The following NYAP2 variants were observed in gnomAD, a reference collection of about 807,000 sequenced individuals.
NYAP2 encodes the protein neuronal tyrosine-phosphorylated phosphoinositide-3-kinase adapter 2.
NYAP2 carries 23 observed loss-of-function variants against 50.4 expected under a neutral mutation model. That is an observed-to-expected ratio of 0.46 (90% confidence interval 0.33 to 0.65). The LOEUF (loss-of-function observed/expected upper bound fraction) is 0.65. NYAP2 is among the 30% of genes least tolerant of loss of function. The probability of loss-of-function intolerance (pLI) is 0.02; values close to 1 mark genes in which losing one functional copy is unlikely to be tolerated. For synonymous variants in NYAP2, 394 were observed against 365.2 expected (o/e 1.08, Z -0.90); for missense variants, 885 against 861.0 (o/e 1.03, Z -0.35).
At chr2:225,573,550 C>T (rs1224734460) in intron 4 of NYAP2, among the ~76,000 whole-genome samples, 1 of 151,520 alleles carries the variant, frequency 6.6e-6, no homozygotes, top group Admixed American at 6.6e-5. Context: ...ACGCCTGGCC[C>T]CAAAATTTTA....
chr2:225,487,284 A>G (rs556003288), intron 3 of NYAP2, among the ~76,000 whole-genome samples: 10 of 152,162 alleles, frequency 6.6e-5, no homozygotes, highest in South Asian at 2.1e-4. Context: ...CAGGCCCATG[A>G]TGGCCCTCAC....
chr2:225,647,293 G>A (rs1008782659), intron 6 of NYAP2, among the ~76,000 whole-genome samples: 12 of 152,176 alleles, frequency 7.9e-5, no homozygotes, highest in African/African-American at 2.9e-4. Flanking sequence ...TATAATAAAG[G>A]ATGATTCCTT....
chr2:225,577,133 C>T (rs1692182020), intron 4 of NYAP2, among the ~76,000 whole-genome samples: 1 of 152,072 alleles, frequency 6.6e-6, no homozygotes, highest in African/African-American at 2.4e-5. Context: ...GACTGAAAGC[C>T]ATGTATAACC....
chr2:225,541,875 G>A (rs1574668012), intron 4 of NYAP2, among the ~76,000 whole-genome samples: 1 of 151,934 alleles, frequency 6.6e-6, no homozygotes, highest in Non-Finnish European at 1.5e-5. Context: ...ATATTGCTTT[G>A]GGGAATATGG....
At chr2:225,419,690 T>C (rs1695185592) in intron 3 of NYAP2, among the ~76,000 whole-genome samples, 1 of 152,192 alleles carries the variant, frequency 6.6e-6, no homozygotes, top group Non-Finnish European at 1.5e-5. Context: ...GTAGCTGCTA[T>C]TATTGTATTT....
At chr2:225,451,505 A>G (rs1056294032) in intron 3 of NYAP2, among the ~76,000 whole-genome samples, 2 of 152,184 alleles carry the variant, frequency 1.3e-5, no homozygotes, top group Admixed American at 6.5e-5. Flanking sequence ...ATATATATAT[A>G]TATCAGGATG....
intron 3 of NYAP2, among the ~76,000 whole-genome samples, chr2:225,421,809 C>A (rs1695219017): frequency 6.6e-6 from 1 of 152,188 alleles, no homozygotes; most frequent in Non-Finnish European, 1.5e-5. Flanking sequence ...CAAACCTCAG[C>A]AACTCACAAC....
intron 3 of NYAP2, among the ~76,000 whole-genome samples, chr2:225,444,970 A>C (rs1559181487): frequency 6.6e-6 from 1 of 152,162 alleles, no homozygotes; most frequent in African/African-American, 2.4e-5. Context: ...TGGAATGAAA[A>C]AACTATTCCG....
chr2:225,692,554 G>A, the NYAP2 span, among the ~76,000 whole-genome samples: 1 of 151,970 alleles, frequency 6.6e-6, no homozygotes, highest in Non-Finnish European at 1.5e-5. Flanking sequence ...ACCACATAAA[G>A]TGTGACGTGT....
chr2:225,483,600 T>C (rs1690243495), intron 3 of NYAP2, among the ~76,000 whole-genome samples: 1 of 152,186 alleles, frequency 6.6e-6, no homozygotes, highest in African/African-American at 2.4e-5. Flanking sequence ...ACACACACAA[T>C]TTAAAATAAT....
chr2:225,505,756 C>G (rs1690693170), intron 3 of NYAP2, among the ~76,000 whole-genome samples: 1 of 152,176 alleles, frequency 6.6e-6, no homozygotes, highest in Non-Finnish European at 1.5e-5. Flanking sequence ...ATATAATTGG[C>G]TTTAACAAAA....
intron 3 of NYAP2, among the ~76,000 whole-genome samples, chr2:225,440,900 A>C (rs764369419): frequency 6.6e-6 from 1 of 152,310 alleles, no homozygotes; most frequent in South Asian, 2.1e-4. Flanking sequence ...TAGAGACGTC[A>C]AACAAAATCT....
chr2:225,667,907 T>A, the NYAP2 span, among the ~76,000 whole-genome samples: 1 of 152,170 alleles, frequency 6.6e-6, no homozygotes, highest in Non-Finnish European at 1.5e-5. Flanking sequence ...TTCTGAATAT[T>A]TGAACATGAC....
intron 4 of NYAP2, among the ~76,000 whole-genome samples, chr2:225,544,637 CTA>C (rs934658724): frequency 4.6e-5 from 7 of 152,044 alleles, no homozygotes; most frequent in Admixed American, 4.6e-4. Context: ...GTTGTACCGT[CTA>C]TGTCTTGAAA....
chr2:225,514,606 T>A (rs1259717839), intron 4 of NYAP2, among the ~76,000 whole-genome samples: 1 of 152,146 alleles, frequency 6.6e-6, no homozygotes, highest in African/African-American at 2.4e-5. Flanking sequence ...CTGAAAGCAC[T>A]GCTCTCCTTC....
chr2:225,617,272 T>A (rs994653646), intron 5 of NYAP2, among the ~76,000 whole-genome samples: 10 of 151,796 alleles, frequency 6.6e-5, no homozygotes, highest in African/African-American at 1.9e-4. Context: ...ACTAAAAAAA[T>A]AAATTAAAAA....
intron 4 of NYAP2, among the ~76,000 whole-genome samples, chr2:225,563,957 G>A (rs1194053372): frequency 6.6e-6 from 1 of 152,032 alleles, no homozygotes; most frequent in Non-Finnish European, 1.5e-5. Flanking sequence ...TGAGAATATT[G>A]CAGACTGGGT....
chr2:225,403,409 A>G (rs532083428), intron 2 of NYAP2, among the ~76,000 whole-genome samples: 1 of 152,120 alleles, frequency 6.6e-6, no homozygotes, highest in African/African-American at 2.4e-5. Context: ...GTTCCATTCT[A>G]TGTATTGTGT....
At chr2:225,626,893 A>G in intron 5 of NYAP2, 24 bp from the exon 6 acceptor site, 2 of 1,508,102 alleles carry the variant, frequency 1.3e-6, no homozygotes, top group Non-Finnish European at 1.8e-6. Flanking sequence ...TGTTTAACAG[A>G]ATGTAATTCT....
Sources: allele counts gnomAD v4.1 joint callset (sites outside exome capture counted in the v4.1 genomes callset), GRCh38; gene constraint gnomAD v4.1.1; transcripts MANE v1.5; gene names NCBI Gene and HGNC (gene_info 2026-07-23, HGNC 2026-07-21).